Variants in RANBP2 observed in about 807,000 individuals in gnomAD.
The protein encoded by RANBP2 is E3 SUMO-protein ligase RanBP2.
Under a neutral mutation model 303.6 loss-of-function variants are expected in RANBP2, and 57 were observed. The observed-to-expected ratio is 0.19, with a 90% CI of 0.15 to 0.23. The LOEUF (loss-of-function observed/expected upper bound fraction) is 0.23. RANBP2 is among the 10% of genes least tolerant of loss of function. The pLI, the probability that RANBP2 is intolerant of heterozygous loss-of-function variation, is 1.00. For synonymous variants in RANBP2, 1,167 were observed against 1,301.5 expected (o/e 0.90, Z 2.23); for missense variants, 3,138 against 3,780.8 (o/e 0.83, Z 4.46).
chr2:108,897,972 TA>T, the RANBP2 span, among the ~76,000 whole-genome samples: 2 of 152,146 alleles, frequency 1.3e-5, no homozygotes, highest in Non-Finnish European at 2.9e-5. Context: ...TTTTGCCTCA[TA>T]AATTCCAGAC....
chr2:109,598,565 G>A, the RANBP2 span, among the ~76,000 whole-genome samples: 9 of 152,160 alleles, frequency 5.9e-5, no homozygotes, highest in South Asian at 4.2e-4. Flanking sequence ...TCGGGAGGCC[G>A]GGCGTGGTGG....
At chr2:109,177,844 G>C in the RANBP2 span, among the ~76,000 whole-genome samples, 9 of 152,218 alleles carry the variant, frequency 5.9e-5, no homozygotes, top group Non-Finnish European at 1.3e-4. Flanking sequence ...CTGCCAGATG[G>C]CTTGTAGGTC....
chr2:109,031,391 T>C, the RANBP2 span, among the ~76,000 whole-genome samples: 1 of 152,082 alleles, frequency 6.6e-6, no homozygotes, highest in Non-Finnish European at 1.5e-5. Flanking sequence ...CCAGCCTTCT[T>C]ATAAGGTTAT....
At chr2:109,524,754 A>G in the RANBP2 span, among the ~76,000 whole-genome samples, 1 of 151,878 alleles carries the variant, frequency 6.6e-6, no homozygotes, top group Non-Finnish European at 1.5e-5. Flanking sequence ...CAAAAAATAT[A>G]TAAATAAATA....
chr2:109,401,156 G>A, the RANBP2 span, among the ~76,000 whole-genome samples: 31 of 152,302 alleles, frequency 2.0e-4, no homozygotes, highest in Admixed American at 1.8e-3. Flanking sequence ...GCTAAGACTG[G>A]GGGGAGCTCA....
chr2:109,347,803 G>A, the RANBP2 span: 21 of 1,613,834 alleles, frequency 1.3e-5, no homozygotes, highest in East Asian at 2.2e-5. Flanking sequence ...GTACCACGGC[G>A]AGCTGCACGG....
chr2:109,287,552 C>T, the RANBP2 span, among the ~76,000 whole-genome samples: 1 of 152,214 alleles, frequency 6.6e-6, no homozygotes, highest in Non-Finnish European at 1.5e-5. Flanking sequence ...CCACCCTCCC[C>T]CTTGACCCTG....
At chr2:109,186,105 A>T in the RANBP2 span, among the ~76,000 whole-genome samples, 3 of 152,230 alleles carry the variant, frequency 2.0e-5, no homozygotes. Context: ...TAACTTCAGG[A>T]GAGGGCAGGC....
chr2:109,078,114 A>AGTGGAG, the RANBP2 span, among the ~76,000 whole-genome samples: 10 of 84,934 alleles, frequency 1.2e-4, no homozygotes, highest in Non-Finnish European at 2.2e-4. Flanking sequence ...ATATATATAT[A>AGTGGAG]TATAGCGTGT....
rs954684752 is a variant in RANBP2 at position 108,764,559 on chromosome 2, A to G, written c.4020A>G (p.Gly1340=). Reference sequence around the variant, plus strand: ...AGGATATTTGCAAATCTGATGCTGGAAACCTGAATTTTGAATTTCAGGTTG... The same window carrying G: ...AGGATATTTGCAAATCTGATGCTGGGAACCTGAATTTTGAATTTCAGGTTG... The part of the protein sequence containing the change: ...DNKDICKSDA[G]NLNFEFQVAK... Residue 1340 remains glycine (G), a synonymous_variant, in exon 20 of 29, where the codon GGA becomes GGG. Coordinates refer to ENST00000283195, the MANE Select transcript of RANBP2 (RefSeq NM_006267.5). 6.2e-7 allele frequency: 1 copy of G among 1,614,028 alleles called. No individual in the cohort carries two copies. Among genetic ancestry groups the G allele is most frequent in the African/African-American group, 1.3e-5 (1 of 75,030 alleles).
the RANBP2 span, among the ~76,000 whole-genome samples, chr2:109,416,145 G>A: frequency 6.6e-6 from 1 of 152,144 alleles, no homozygotes; most frequent in African/African-American, 2.4e-5. Flanking sequence ...CCAGTTTTAG[G>A]TATTCTGTCG....
the RANBP2 span, among the ~76,000 whole-genome samples, chr2:108,900,248 T>C: frequency 1.3e-5 from 2 of 152,160 alleles, no homozygotes; most frequent in Non-Finnish European, 2.9e-5. Flanking sequence ...CTACATTTAA[T>C]GTAAATGGTT....
chr2:109,738,255 TGA>T, the RANBP2 span, among the ~76,000 whole-genome samples: 1 of 151,614 alleles, frequency 6.6e-6, no homozygotes, highest in African/African-American at 2.4e-5. Context: ...TTGTATATGG[TGA>T]GAGATAGGGG....
the RANBP2 span, among the ~76,000 whole-genome samples, chr2:109,760,931 C>T: frequency 1.5e-5 from 2 of 133,070 alleles, no homozygotes; most frequent in Non-Finnish European, 3.2e-5. Flanking sequence ...TCTGCCTCCC[C>T]GGGTGGGATG....
At chr2:109,628,647 T>C in the RANBP2 span, among the ~76,000 whole-genome samples, 1 of 152,188 alleles carries the variant, frequency 6.6e-6, no homozygotes, top group African/African-American at 2.4e-5. Context: ...GATACATTTT[T>C]TTCTGCTAAC....
the RANBP2 span, among the ~76,000 whole-genome samples, chr2:108,899,706 C>G: frequency 6.6e-6 from 1 of 152,192 alleles, no homozygotes; most frequent in African/African-American, 2.4e-5. Flanking sequence ...ACCAGTAAGG[C>G]TGGGCACGGT....
chr2:109,496,000 G>A, the RANBP2 span, among the ~76,000 whole-genome samples: 1 of 152,212 alleles, frequency 6.6e-6, no homozygotes, highest in Non-Finnish European at 1.5e-5. Context: ...TTGAGCCACA[G>A]ACCTTCGCGG....
At chr2:109,765,841 G>A in the RANBP2 span, among the ~76,000 whole-genome samples, 5 of 150,834 alleles carry the variant, frequency 3.3e-5, no homozygotes, top group Non-Finnish European at 7.4e-5. Context: ...GCGCAGGCCA[G>A]TGGGCGGCTT....
the RANBP2 span, among the ~76,000 whole-genome samples, chr2:109,311,369 A>G: frequency 8.1e-4 from 101 of 124,680 alleles, no homozygotes; most frequent in Middle Eastern, 3.5e-3. Context: ...ATCTATGACA[A>G]ACCCACAGCC....
Sources: gnomAD v4.1 joint callset for allele counts (sites outside exome capture counted in the v4.1 genomes callset) on GRCh38, gnomAD v4.1.1 for gene constraint, MANE v1.5 for transcripts, NCBI Gene and HGNC (gene_info 2026-07-23, HGNC 2026-07-21) for gene names.